SIK3: variants seen among roughly 807,000 people sequenced by gnomAD.
SIK3 encodes the protein serine/threonine-protein kinase SIK3.
In SIK3, 28 loss-of-function variants were observed where a neutral mutation model predicts 144.2. The ratio of observed to expected loss-of-function variants is 0.19; its 90% CI spans 0.14 to 0.27. The LOEUF is 0.27. Among genes scored for constraint, SIK3 ranks in the 10% least tolerant of loss-of-function variants. SIK3 has a pLI of 1.00. For synonymous variants in SIK3, 686 were observed against 676.3 expected (o/e 1.01, Z -0.22); for missense variants, 1,319 against 1,776.0 (o/e 0.74, Z 4.62).
rs1243052358 is a variant in SIK3 at position 116,843,810 on chromosome 11, A to C, written c.*1833T>G. The C allele has an allele frequency of 6.6e-6, 1 of 152,168 alleles. No individual in the cohort carries two copies. The highest frequency in any genetic ancestry group is 1.5e-5 in the Non-Finnish European group (1 of 68,032). The allele number at this position is 152,168 out of a possible 1,614,324, so 9.4% of individuals were successfully genotyped here. On this transcript the variant is annotated 3_prime_UTR_variant, in exon 25 of 25. Coordinates refer to ENST00000445177, the MANE Select transcript of SIK3 (RefSeq NM_001366686.3). ...CTTCTGGTGAGTAGTTGGTGACCCC[A>C]CCAAGTGGAGGGGAGACTGGGGACC...
At chr11:117,030,418 C>T (rs909844281) in intron 1 of SIK3, among the ~76,000 whole-genome samples, 1 of 151,988 alleles carries the variant, frequency 6.6e-6, no homozygotes, top group Non-Finnish European at 1.5e-5. Context: ...AGATTATGAG[C>T]CATTTAAAAT....
intron 1 of SIK3, among the ~76,000 whole-genome samples, chr11:117,018,858 C>T (rs1951646201): frequency 6.6e-6 from 1 of 151,708 alleles, no homozygotes; most frequent in South Asian, 2.1e-4. Flanking sequence ...ATTACAGGCG[C>T]CTGCCACCAT....
At chr11:117,004,901 C>T (rs1219319557) in intron 1 of SIK3, among the ~76,000 whole-genome samples, 5 of 152,174 alleles carry the variant, frequency 3.3e-5, no homozygotes, top group South Asian at 2.1e-4. Context: ...AGCTTAATGT[C>T]GCATGATGTG....
intron 4 of SIK3, among the ~76,000 whole-genome samples, chr11:116,909,537 T>C (rs570143452): frequency 9.9e-4 from 151 of 152,350 alleles, no homozygotes; most frequent in African/African-American, 3.4e-3. Flanking sequence ...AATTTATGTA[T>C]AAACATAATA....
At chr11:116,975,240 A>G (rs2135484555) in intron 1 of SIK3, among the ~76,000 whole-genome samples, 1 of 135,854 alleles carries the variant, frequency 7.4e-6, no homozygotes, top group Admixed American at 6.9e-5. Context: ...TCACCAATTT[A>G]AAGTGTAAAA....
At chr11:116,942,855 T>C (rs1489306253) in intron 3 of SIK3, among the ~76,000 whole-genome samples, 2 of 152,102 alleles carry the variant, frequency 1.3e-5, no homozygotes, top group East Asian at 1.9e-4. Context: ...TCCAAATAGA[T>C]GGGAAAGCCA....
intron 13 of SIK3, 138 bp from the exon 14 acceptor site, chr11:116,870,539 G>A: frequency 2.7e-6 from 3 of 1,098,248 alleles, no homozygotes; most frequent in Non-Finnish European, 3.9e-6. Context: ...GGGTTATACA[G>A]GATTTTCATA....
chr11:116,995,098 T>C (rs79968315), intron 1 of SIK3, among the ~76,000 whole-genome samples: 1 of 151,892 alleles, frequency 6.6e-6, no homozygotes, highest in South Asian at 2.1e-4. Context: ...TGAAACCTTG[T>C]CTCTACAAAA....
rs779674252 is a variant in SIK3 at position 116,858,456 on chromosome 11, C to T, written c.3009G>A (p.Thr1003=). Reference sequence around the variant, plus strand: ...GCTGGTGTCTTGTATAGTCTGGCGGCGTGGGAGACAGCAGGGCCTGCTGTA... The same window carrying T: ...GCTGGTGTCTTGTATAGTCTGGCGGTGTGGGAGACAGCAGGGCCTGCTGTA... ...SALQQALLSP[T]PPDYTRHQQV... Residue 1003 remains threonine (T), a synonymous_variant, in exon 21 of 25, where the codon ACG becomes ACA. Coordinates refer to ENST00000445177, the MANE Select transcript of SIK3 (RefSeq NM_001366686.3). The surrounding 1 kb of genome is among the most constrained non-coding windows in gnomAD (Gnocchi z 5.4). 31 of 1,604,028 alleles carry T rather than the reference C, an allele frequency of 1.9e-5. No individual in the cohort carries two copies. The highest frequency in any genetic ancestry group is 8.9e-5 in the East Asian group (4 of 44,726).
chr11:116,862,232 C>T lies in SIK3; in HGVS notation c.2199G>A (p.Gln733=). Residue 733 remains glutamine, a synonymous_variant, in exon 17 of 25, where the codon CAG becomes CAA. Transcript: ENST00000445177. ...QQQHMLYQQE[Q]HHQILQQQIQ... is the part of the protein sequence containing the mutation. ...TTTGTTGCTGGAGAATTTGATGGTG[C>T]TGCTCCTGCTGGTATAACATATGCT... 6.2e-7 allele frequency: 1 copy of T among 1,614,236 alleles called. No homozygotes were observed. Among genetic ancestry groups the T allele is most frequent in the Non-Finnish European group, 8.5e-7 (1 of 1,180,044 alleles).
intron 6 of SIK3, among the ~76,000 whole-genome samples, chr11:116,884,791 G>T (rs1461420264): frequency 2.0e-5 from 3 of 151,760 alleles, no homozygotes; most frequent in Non-Finnish European, 2.9e-5. Flanking sequence ...TGTAGTCAAT[G>T]CCACAGTTTT....
At chr11:116,978,981 T>C (rs1950048644) in intron 1 of SIK3, among the ~76,000 whole-genome samples, 1 of 152,242 alleles carries the variant, frequency 6.6e-6, no homozygotes, top group Non-Finnish European at 1.5e-5. Flanking sequence ...GTTTGGATTT[T>C]TAGCTACTAT....
At chr11:116,985,778 T>C (rs1950306722) in intron 1 of SIK3, among the ~76,000 whole-genome samples, 1 of 152,222 alleles carries the variant, frequency 6.6e-6, no homozygotes, top group Non-Finnish European at 1.5e-5. Flanking sequence ...CTTTGTAATA[T>C]AGTCTTCTAG....
intron 4 of SIK3, among the ~76,000 whole-genome samples, chr11:116,905,499 C>T (rs1007234501): frequency 1.3e-5 from 2 of 152,180 alleles, no homozygotes; most frequent in East Asian, 3.9e-4. Context: ...CATATGGTAA[C>T]TCTGCTTAAC....
chr11:116,952,828 T>C (rs927662710), intron 3 of SIK3, among the ~76,000 whole-genome samples: 3 of 152,234 alleles, frequency 2.0e-5, no homozygotes, highest in African/African-American at 4.8e-5. Context: ...TTATCATACA[T>C]AGTGAAGGCC....
At chr11:116,889,321 T>C (rs1354700482) in intron 6 of SIK3, among the ~76,000 whole-genome samples, 1 of 152,218 alleles carries the variant, frequency 6.6e-6, no homozygotes, top group Non-Finnish European at 1.5e-5. Context: ...CCCAGCACTC[T>C]GGGAGGCCAA....
chr11:117,018,294 T>C (rs1212024143), intron 1 of SIK3, among the ~76,000 whole-genome samples: 4 of 152,206 alleles, frequency 2.6e-5, no homozygotes, highest in Admixed American at 6.5e-5. Context: ...CAGATACCAC[T>C]GTTTTGATCA....
chr11:117,023,395 T>C (rs1951853049), intron 1 of SIK3, among the ~76,000 whole-genome samples: 1 of 148,664 alleles, frequency 6.7e-6, no homozygotes, highest in African/African-American at 2.5e-5. Context: ...GAGACTGAAG[T>C]ATGTCAATAC....
At chr11:117,019,892 G>A (rs972183894) in intron 1 of SIK3, among the ~76,000 whole-genome samples, 6 of 150,602 alleles carry the variant, frequency 4.0e-5, no homozygotes, top group South Asian at 2.1e-4. Context: ...GAGAGACTCC[G>A]TTTAAAAAAA....
Sources: allele counts gnomAD v4.1 joint callset (sites outside exome capture counted in the v4.1 genomes callset), GRCh38; gene constraint gnomAD v4.1.1; non-coding constraint Gnocchi (gnomAD v3.1); transcripts MANE v1.5; gene names NCBI Gene and HGNC (gene_info 2026-07-23, HGNC 2026-07-21).